The following MYO16 variants were observed in gnomAD, a reference collection of about 807,000 sequenced individuals.
The protein encoded by MYO16 is unconventional myosin-XVI.
In MYO16, 94 loss-of-function variants were observed where a neutral mutation model predicts 205.3. The observed-to-expected ratio is 0.46, with a 90% CI of 0.39 to 0.54. The LOEUF (loss-of-function observed/expected upper bound fraction) is 0.54, where lower values mean the gene tolerates loss of function less well. Among genes scored for constraint, MYO16 ranks in the 20% least tolerant of loss-of-function variants. MYO16 has a pLI of 0.00. For missense variants in MYO16, 2,315 were observed against 2,387.5 expected (o/e 0.97, Z 0.63); for synonymous variants, 988 against 954.0 (o/e 1.04, Z -0.66).
At chr13:108,998,964 C>T (rs1243459252) in intron 21 of MYO16, among the ~76,000 whole-genome samples, 1 of 152,202 alleles carries the variant, frequency 6.6e-6, no homozygotes, top group Non-Finnish European at 1.5e-5. Context: ...TCAGAGGTCA[C>T]ATAGTATTAC....
chr13:108,638,860 C>G (rs80346755), intron 1 of MYO16, among the ~76,000 whole-genome samples: 10,351 of 152,004 alleles, frequency 0.068, 559 homozygotes, highest in African/African-American at 0.15. Context: ...AAGGTGTGTG[C>G]GGAGCTGGGG....
chr13:108,589,369 CCCA>C, the MYO16 span, among the ~76,000 whole-genome samples: 1 of 152,126 alleles, frequency 6.6e-6, no homozygotes, highest in African/African-American at 2.4e-5. Context: ...TGCTACATTT[CCCA>C]GTATAGCCCT....
At chr13:109,051,903 A>G (rs1887258584) in intron 24 of MYO16, among the ~76,000 whole-genome samples, 1 of 152,148 alleles carries the variant, frequency 6.6e-6, no homozygotes, top group Non-Finnish European at 1.5e-5. Flanking sequence ...GTCCTGGGGA[A>G]ACATTTTCCT....
chr13:108,556,061 A>G, the MYO16 span, among the ~76,000 whole-genome samples: 1 of 152,174 alleles, frequency 6.6e-6, no homozygotes, highest in Non-Finnish European at 1.5e-5. Flanking sequence ...TACTTAGGTG[A>G]TAATATATCT....
At chr13:109,100,460 G>A (rs1006176473) in intron 27 of MYO16, among the ~76,000 whole-genome samples, 1 of 152,130 alleles carries the variant, frequency 6.6e-6, no homozygotes, top group African/African-American at 2.4e-5. Flanking sequence ...CATGCCAAAT[G>A]TTTAAAAATG....
At chr13:108,665,295 A>C (rs1316924464) in intron 1 of MYO16, among the ~76,000 whole-genome samples, 1 of 151,558 alleles carries the variant, frequency 6.6e-6, no homozygotes, top group African/African-American at 2.4e-5. Context: ...ATTTTTGGAG[A>C]GATGGGGGTC....
intron 21 of MYO16, among the ~76,000 whole-genome samples, chr13:109,004,206 A>C (rs549696766): frequency 1.7e-4 from 26 of 152,302 alleles, no homozygotes; most frequent in African/African-American, 5.5e-4. Flanking sequence ...TATTTGTGTT[A>C]ATTTTTAAAT....
At chr13:108,741,075 T>C (rs1229418963) in intron 4 of MYO16, among the ~76,000 whole-genome samples, 2 of 152,150 alleles carry the variant, frequency 1.3e-5, no homozygotes, top group African/African-American at 4.8e-5. Flanking sequence ...TGACCCCTTG[T>C]GCTTCCCAGG....
chr13:109,061,544 G>A (rs1472781806), intron 27 of MYO16, among the ~76,000 whole-genome samples: 2 of 152,096 alleles, frequency 1.3e-5, no homozygotes, highest in African/African-American at 2.4e-5. Context: ...GGAGAGAGAG[G>A]TGGGGGAACA....
chr13:108,907,204 T>A (rs1566404235), intron 15 of MYO16, among the ~76,000 whole-genome samples: 1 of 152,324 alleles, frequency 6.6e-6, no homozygotes, highest in East Asian at 1.9e-4. Flanking sequence ...CACTTTTTTT[T>A]TATATAATGA....
intron 34 of MYO16, among the ~76,000 whole-genome samples, chr13:109,204,078 A>T (rs993358892): frequency 6.6e-6 from 1 of 151,952 alleles, no homozygotes; most frequent in Non-Finnish European, 1.5e-5. Context: ...AAAAAGCTTC[A>T]CTCCATCTGG....
chr13:109,031,149 C>T (rs140898862), intron 23 of MYO16, among the ~76,000 whole-genome samples: 1,827 of 152,122 alleles, frequency 0.012, 42 homozygotes, highest in African/African-American at 0.042. Flanking sequence ...TGGAGTGCAA[C>T]GGCGCGATCT....
In MYO16 at chr13:108,727,514, A is replaced by G; in HGVS notation, c.438A>G (p.Glu146=). 6.2e-7 allele frequency: 1 copy of G among 1,614,092 alleles called. No individual in the cohort carries two copies. The highest frequency in any genetic ancestry group is 8.5e-7 in the Non-Finnish European group (1 of 1,179,988). Reference sequence around the variant, plus strand: ...GAGTCAACGTCAACCACCAGGATGAAGACTTCTGGACGCCCATGCACATTG... The same window carrying G: ...GAGTCAACGTCAACCACCAGGATGAGGACTTCTGGACGCCCATGCACATTG... ...DRGVNVNHQD[E]DFWTPMHIAC... is the part of the protein sequence containing the mutation. Residue 146 remains glutamate, a synonymous_variant, in exon 4 of 35, where the codon GAA becomes GAG. Transcript: ENST00000457511.
At chr13:108,498,963 C>G in the MYO16 span, among the ~76,000 whole-genome samples, 1 of 152,126 alleles carries the variant, frequency 6.6e-6, no homozygotes, top group African/African-American at 2.4e-5. Flanking sequence ...TTAGGGGTTC[C>G]TCTGGGGCAA....
At chr13:108,516,291 C>G in the MYO16 span, among the ~76,000 whole-genome samples, 2 of 151,678 alleles carry the variant, frequency 1.3e-5, no homozygotes, top group Non-Finnish European at 2.9e-5. Flanking sequence ...CTTCCTGACC[C>G]CTTGCGCTTC....
At chr13:108,590,641 G>A in the MYO16 span, among the ~76,000 whole-genome samples, 1 of 152,076 alleles carries the variant, frequency 6.6e-6, no homozygotes, top group Non-Finnish European at 1.5e-5. Flanking sequence ...AGGGGAGTTT[G>A]GACACAGACA....
At chr13:109,001,818 A>G (rs2139461771) in intron 21 of MYO16, among the ~76,000 whole-genome samples, 1 of 151,694 alleles carries the variant, frequency 6.6e-6, no homozygotes, top group Non-Finnish European at 1.5e-5. Flanking sequence ...GCTTCTGCTT[A>G]GGTAGGGTTT....
At chr13:109,079,426 A>G (rs921831336) in intron 27 of MYO16, among the ~76,000 whole-genome samples, 3 of 151,840 alleles carry the variant, frequency 2.0e-5, no homozygotes, top group Non-Finnish European at 4.4e-5. Context: ...CTGGAACACT[A>G]TGCAGCCATA....
At chr13:108,855,136 T>C (rs1333312708) in intron 10 of MYO16, among the ~76,000 whole-genome samples, 2 of 152,196 alleles carry the variant, frequency 1.3e-5, no homozygotes, top group African/African-American at 2.4e-5. Context: ...AAATTATCAG[T>C]AGGGAATAAG....
Sources: allele counts gnomAD v4.1 joint callset (sites outside exome capture counted in the v4.1 genomes callset), GRCh38; gene constraint gnomAD v4.1.1; transcripts MANE v1.5; gene names NCBI Gene and HGNC (gene_info 2026-07-23, HGNC 2026-07-21).